CTNND2: variants seen among roughly 807,000 people sequenced by gnomAD.
The protein encoded by CTNND2 is catenin delta-2.
A neutral mutation model predicts 144.4 loss-of-function variants in CTNND2; 22 were observed. That is an observed-to-expected ratio of 0.15 (90% CI 0.11 to 0.22). The LOEUF (loss-of-function observed/expected upper bound fraction) is 0.22. Ranked by LOEUF, CTNND2 falls within the 10% of genes least tolerant of loss-of-function variation. The pLI is 1.00. For synonymous variants in CTNND2, 751 were observed against 695.6 expected, an observed-to-expected ratio of 1.08 and a Z score of -1.25; for missense variants, 1,353 against 1,618.8, an observed-to-expected ratio of 0.84 and a Z score of 2.82.
intron 9 of CTNND2, among the ~76,000 whole-genome samples, chr5:11,250,491 C>CTCTCTATATATATATATATA (rs869141186): frequency 4.7e-4 from 30 of 64,088 alleles, no homozygotes; most frequent in South Asian, 7.3e-4. Context: ...CTCTCTCTCT[C>CTCTCTATATATATATATATA]TATATATATA....
chr5:11,531,652 A>G (rs953855199), intron 3 of CTNND2, among the ~76,000 whole-genome samples: 2 of 152,124 alleles, frequency 1.3e-5, no homozygotes, highest in Non-Finnish European at 2.9e-5. Flanking sequence ...AAAGACAGGG[A>G]GAGCCACTGC....
chr5:11,585,484 A>ATATCTATC (rs57085841), intron 2 of CTNND2, among the ~76,000 whole-genome samples: 42,746 of 149,890 alleles, frequency 0.29, 6,288 homozygotes, highest in African/African-American at 0.34. Context: ...TTATCTATGT[A>ATATCTATC]TATCTATCTA....
chr5:11,690,422 T>A (rs1265256803), intron 2 of CTNND2, among the ~76,000 whole-genome samples: 5 of 152,142 alleles, frequency 3.3e-5, no homozygotes, highest in African/African-American at 1.2e-4. Context: ...GAAAAGCACA[T>A]CAGGTTCTGT....
intron 18 of CTNND2, among the ~76,000 whole-genome samples, chr5:11,011,080 C>T (rs1364097542): frequency 6.6e-6 from 1 of 152,186 alleles, no homozygotes; most frequent in Non-Finnish European, 1.5e-5. Flanking sequence ...ACCATAAAAA[C>T]ACCAGACCAC....
chr5:11,177,529 CAAAATATATGTAT>C (rs1252236883), intron 11 of CTNND2, among the ~76,000 whole-genome samples: 1 of 151,860 alleles, frequency 6.6e-6, no homozygotes, highest in Admixed American at 6.6e-5. Flanking sequence ...AAAAATTAAT[CAAAATATATGTAT>C]AAAATATATG....
intron 2 of CTNND2, among the ~76,000 whole-genome samples, chr5:11,697,932 A>T (rs1305071967): frequency 6.6e-6 from 1 of 152,194 alleles, no homozygotes; most frequent in Non-Finnish European, 1.5e-5. Context: ...CTGTTCCTGT[A>T]AGAGAAAAGA....
chr5:11,265,141 G>A (rs185050242), intron 9 of CTNND2, among the ~76,000 whole-genome samples: 1 of 152,058 alleles, frequency 6.6e-6, no homozygotes, highest in African/African-American at 2.4e-5. Flanking sequence ...AGGCTAAATT[G>A]TATTAAATCA....
intron 2 of CTNND2, among the ~76,000 whole-genome samples, chr5:11,687,716 C>T (rs1450565236): frequency 1.3e-5 from 2 of 152,152 alleles, no homozygotes; most frequent in Admixed American, 1.3e-4. Context: ...AAATCTTAGC[C>T]CTCATGGAGC....
chr5:11,182,733 C>T (rs1735219837), intron 11 of CTNND2, among the ~76,000 whole-genome samples: 1 of 152,198 alleles, frequency 6.6e-6, no homozygotes, highest in Admixed American at 6.5e-5. Context: ...GGCTGTTGTC[C>T]TTGCAAATTT....
rs1366578309 is a variant in CTNND2, at chr5:10,971,860, T to C, written c.*1593A>G. The stretch of plus-strand genomic sequence containing the variant: ...ATTTCTTTTGTTACTGATGTTTTTA[T>C]TTTTTCCAAGAACAGTTAACATTTA... On this transcript the variant is annotated 3_prime_UTR_variant, in exon 22 of 22. Coordinates refer to ENST00000304623, the MANE Select transcript of CTNND2 (RefSeq NM_001332.4). The C allele has an allele frequency of 6.6e-6, 1 of 152,648 alleles. No individual in the cohort carries two copies. Among genetic ancestry groups the C allele is most frequent in the Admixed American group, 6.5e-5 (1 of 15,282 alleles). The allele number at this position is 152,648 out of a possible 1,614,324, so 9.5% of individuals were successfully genotyped here.
At chr5:11,770,857 G>T (rs1482457738) in intron 1 of CTNND2, among the ~76,000 whole-genome samples, 3 of 152,112 alleles carry the variant, frequency 2.0e-5, no homozygotes, top group Admixed American at 2.0e-4. Context: ...TGGGACTTGG[G>T]GTGAGAAGAG....
intron 3 of CTNND2, among the ~76,000 whole-genome samples, chr5:11,465,784 G>A (rs1362871098): frequency 6.6e-6 from 1 of 152,186 alleles, no homozygotes; most frequent in Non-Finnish European, 1.5e-5. Context: ...TCCATCTGGA[G>A]TTTGCTATTA....
At chr5:11,656,800 T>C (rs1782939129) in intron 2 of CTNND2, among the ~76,000 whole-genome samples, 1 of 152,130 alleles carries the variant, frequency 6.6e-6, no homozygotes, top group Non-Finnish European at 1.5e-5. Flanking sequence ...GAGATGCACA[T>C]TTCTTCAATT....
intron 3 of CTNND2, among the ~76,000 whole-genome samples, chr5:11,545,909 A>G (rs1775197428): frequency 6.6e-6 from 1 of 152,216 alleles, no homozygotes; most frequent in Non-Finnish European, 1.5e-5. Flanking sequence ...ATCCATACAT[A>G]CTTCTCCATA....
At chr5:11,555,728 T>C (rs112432792) in intron 3 of CTNND2, among the ~76,000 whole-genome samples, 4,974 of 151,034 alleles carry the variant, frequency 0.033, 292 homozygotes, top group African/African-American at 0.11. Flanking sequence ...ACAGAAATAA[T>C]GTGAAAGAAT....
Position 11,887,087 on chromosome 5 carries a change from C to T in CTNND2, c.37+16730G>A, listed in dbSNP as rs142389207. 3.8e-3 allele frequency among the ~76,000 whole-genome samples: 569 copies of T among 150,478 alleles called. 2 individuals are homozygous for T. The highest frequency in any genetic ancestry group is 0.021 in the Middle Eastern group (6 of 292). On this transcript the variant is annotated intron_variant, in intron 1 of 21. Coordinates refer to ENST00000304623, the MANE Select transcript of CTNND2 (RefSeq NM_001332.4). ...CAAGCTCTGCCTCCCGGGTTCACTC[C>T]ATTCTTCTGCCTCAGCCTCCCCGGC... is the stretch of plus-strand genomic sequence containing the variant.
At chr5:11,003,183 A>AT (rs1012187828) in intron 18 of CTNND2, among the ~76,000 whole-genome samples, 13 of 150,154 alleles carry the variant, frequency 8.7e-5, no homozygotes, top group South Asian at 2.1e-4. Flanking sequence ...GTCAAGTCTA[A>AT]TTTTTTTTTT....
At chr5:11,688,378 A>G (rs1784752337) in intron 2 of CTNND2, among the ~76,000 whole-genome samples, 1 of 152,088 alleles carries the variant, frequency 6.6e-6, no homozygotes, top group Admixed American at 6.5e-5. Context: ...TGACTTTGAG[A>G]AGACCCCAAA....
At chr5:11,524,678 T>C (rs1318404599) in intron 3 of CTNND2, among the ~76,000 whole-genome samples, 5 of 152,218 alleles carry the variant, frequency 3.3e-5, no homozygotes, top group African/African-American at 9.6e-5. Context: ...AGCCCATCTC[T>C]CCTTGTTTTA....
Sources: allele counts gnomAD v4.1 joint callset (sites outside exome capture counted in the v4.1 genomes callset), GRCh38; gene constraint gnomAD v4.1.1; transcripts MANE v1.5; gene names NCBI Gene and HGNC (gene_info 2026-07-23, HGNC 2026-07-21).